Variants in FAM117A observed in about 807,000 individuals in gnomAD.
FAM117A encodes protein FAM117A.
A neutral mutation model predicts 44.1 loss-of-function variants in FAM117A; 21 were observed. The ratio of observed to expected loss-of-function variants is 0.48; its 90% confidence interval spans 0.34 to 0.69. The LOEUF is 0.69. FAM117A is among the 30% of genes least tolerant of loss of function. The pLI is 0.01. For synonymous variants in FAM117A, 220 were observed against 238.3 expected, an observed-to-expected ratio of 0.92 and a Z score of 0.71; for missense variants, 498 against 589.9, an observed-to-expected ratio of 0.84 and a Z score of 1.61.
At chr17:49,771,754 G>A (rs2073761558) in intron 1 of FAM117A, among the ~76,000 whole-genome samples, 1 of 152,204 alleles carries the variant, frequency 6.6e-6, no homozygotes, top group South Asian at 2.1e-4. Context: ...GAAAGTCTCT[G>A]GAGAGGGGAT....
upstream of FAM117A, among the ~76,000 whole-genome samples, chr17:49,766,555 T>C (rs1409630551): frequency 1.3e-5 from 2 of 152,248 alleles, no homozygotes; most frequent in African/African-American, 2.4e-5. Context: ...TTCTAGATCA[T>C]TGGTCCTGCC....
At position 49,776,398 on chromosome 17, in the gene FAM117A, A is replaced by G. The variant is rs991253010; in HGVS notation, c.-621+12099T>C. 2.6e-5 allele frequency among the ~76,000 whole-genome samples: 4 copies of G among 152,290 alleles called. No individual in the cohort carries two copies. In the East Asian group the frequency reaches 7.7e-4, roughly 29 times the overall value. ...AGGTCAGAGAGACCCAGACCTAGAC[A>G]AGTGAGAAATACAGGCCAGACCAGT... is the stretch of plus-strand genomic sequence containing the variant. On this transcript the variant is annotated intron_variant, in intron 1 of 7. Transcript: ENST00000513602.
intron 7 of FAM117A, among the ~76,000 whole-genome samples, chr17:49,711,998 T>A (rs1480455150): frequency 6.6e-6 from 1 of 152,032 alleles, no homozygotes; most frequent in Non-Finnish European, 1.5e-5. Context: ...TACAAAAAAT[T>A]AGCCGGGTGT....
chr17:49,768,101 A>C (rs2073750554), upstream of FAM117A, among the ~76,000 whole-genome samples: 1 of 152,134 alleles, frequency 6.6e-6, no homozygotes, highest in South Asian at 2.1e-4. Flanking sequence ...TGTAAGTCAG[A>C]GATATAGCCA....
Position 49,771,584 on chromosome 17 carries a change from G to A in FAM117A, c.-621+16913C>T, listed in dbSNP as rs546712241. Reference sequence around the variant, plus strand: ...CTCCATAACACCTAGCACTGTAACCGGCATGCAGATGGTGCTTCATGAAAA... The same window carrying A: ...CTCCATAACACCTAGCACTGTAACCAGCATGCAGATGGTGCTTCATGAAAA... On this transcript the variant is annotated intron_variant, in intron 1 of 7. Coordinates refer to the FAM117A transcript ENST00000513602. 3.9e-5 allele frequency among the ~76,000 whole-genome samples: 6 copies of A among 152,204 alleles called. No homozygotes were observed. In the East Asian group the frequency reaches 9.7e-4, roughly 25 times the overall value.
intron 1 of FAM117A, among the ~76,000 whole-genome samples, chr17:49,757,369 C>A (rs1036481347): frequency 7.2e-5 from 11 of 152,130 alleles, no homozygotes; most frequent in African/African-American, 2.4e-4. Flanking sequence ...TTCATTAAAG[C>A]CACCCTTGAT....
intron 1 of FAM117A, among the ~76,000 whole-genome samples, chr17:49,772,951 C>T (rs2143798156): frequency 6.6e-6 from 1 of 152,160 alleles, no homozygotes; most frequent in South Asian, 2.1e-4. Context: ...GCAGGAGGAT[C>T]ACGAGGTCAA....
At chr17:49,784,582 A>G (rs1028447806) in intron 1 of FAM117A, among the ~76,000 whole-genome samples, 1 of 152,020 alleles carries the variant, frequency 6.6e-6, no homozygotes, top group African/African-American at 2.4e-5. Context: ...CCTCTCTACT[A>G]TTGCACATTC....
At chr17:49,748,903 C>G (rs1404086513) in intron 1 of FAM117A, among the ~76,000 whole-genome samples, 2 of 152,058 alleles carry the variant, frequency 1.3e-5, no homozygotes, top group African/African-American at 4.8e-5. Flanking sequence ...GGAAAGGGGC[C>G]GGCACACAAG....
chr17:49,788,956 C>A (rs908057939), upstream of FAM117A: 1 of 1,083,692 alleles, frequency 9.2e-7, no homozygotes, highest in Non-Finnish European at 1.3e-6. Flanking sequence ...TTTCCGCTCC[C>A]CCGAACCTTG....
intron 1 of FAM117A, among the ~76,000 whole-genome samples, chr17:49,734,234 G>A (rs1381436913): frequency 6.6e-6 from 1 of 151,682 alleles, no homozygotes; most frequent in Non-Finnish European, 1.5e-5. Flanking sequence ...TAATTCACAT[G>A]TATTTAGCAC....
upstream of FAM117A, among the ~76,000 whole-genome samples, chr17:49,766,027 C>T (rs138208180): frequency 3.0e-4 from 46 of 152,286 alleles, no homozygotes; most frequent in East Asian, 8.3e-3. Context: ...GTAATGGTAG[C>T]AACGAATATT....
Position 49,720,450 on chromosome 17 carries a change from G to A in FAM117A, c.463-14C>T. 6.2e-7 allele frequency: 1 copy of A among 1,609,238 alleles called. No homozygotes were observed. The highest frequency in any genetic ancestry group is 8.5e-7 in the Non-Finnish European group (1 of 1,177,800). The stretch of plus-strand genomic sequence containing the variant: ...CAACTTGGAAATCTAGCAGCCCAGA[G>A]AGAAGACGACAGAGGCAGATTAAGG... On this transcript the variant is annotated splice_polypyrimidine_tract_variant and intron_variant, in intron 3 of 7. Transcript: ENST00000240364.
chr17:49,726,022 G>A (rs143852987), intron 2 of FAM117A, among the ~76,000 whole-genome samples: 45 of 152,308 alleles, frequency 3.0e-4, no homozygotes, highest in African/African-American at 8.7e-4. Flanking sequence ...CCTCCTGGGA[G>A]AGAATGGCCC....
intron 1 of FAM117A, among the ~76,000 whole-genome samples, chr17:49,748,942 T>C (rs1386295975): frequency 6.6e-6 from 1 of 152,184 alleles, no homozygotes; most frequent in Non-Finnish European, 1.5e-5. Flanking sequence ...TAGCTCTGTC[T>C]GCTTAGCAAT....
At chr17:49,715,812 C>T (rs1166942588) in intron 7 of FAM117A, among the ~76,000 whole-genome samples, 1 of 152,124 alleles carries the variant, frequency 6.6e-6, no homozygotes, top group South Asian at 2.1e-4. Context: ...CCCCATCTCT[C>T]GCTCTCGCTC....
At chr17:49,715,361 C>G (rs2143691788) in intron 7 of FAM117A, among the ~76,000 whole-genome samples, 1 of 152,312 alleles carries the variant, frequency 6.6e-6, no homozygotes, top group African/African-American at 2.4e-5. Flanking sequence ...CCAGTCCCAG[C>G]TACATCTTCA....
chr17:49,771,237 T>C (rs1348237322), intron 1 of FAM117A, among the ~76,000 whole-genome samples: 1 of 152,140 alleles, frequency 6.6e-6, no homozygotes, highest in Non-Finnish European at 1.5e-5. Flanking sequence ...AATAGAATTA[T>C]ACATGAGTAA....
At chr17:49,773,032 G>A (rs1222361716) in intron 1 of FAM117A, among the ~76,000 whole-genome samples, 2 of 152,032 alleles carry the variant, frequency 1.3e-5, no homozygotes, top group African/African-American at 2.4e-5. Flanking sequence ...TTGGCCGGGC[G>A]TGGTGGCTCA....
Sources: allele counts gnomAD v4.1 joint callset (sites outside exome capture counted in the v4.1 genomes callset), GRCh38; gene constraint gnomAD v4.1.1; transcripts MANE v1.5; gene names NCBI Gene and HGNC (gene_info 2026-07-23, HGNC 2026-07-21).